Variants in AHCYL1 observed in about 807,000 individuals in gnomAD.
AHCYL1 encodes S-adenosylhomocysteine hydrolase-like protein 1.
In AHCYL1, 20 loss-of-function variants were observed where a neutral mutation model predicts 79.3. The observed-to-expected ratio is 0.25, with a 90% CI of 0.18 to 0.37. The LOEUF is 0.37. Ranked by LOEUF, AHCYL1 falls within the 10% of genes least tolerant of loss-of-function variation. The pLI is 1.00. For synonymous variants in AHCYL1, 223 were observed against 242.2 expected, an observed-to-expected ratio of 0.92 and a Z score of 0.74; for missense variants, 330 against 673.6, an observed-to-expected ratio of 0.49 and a Z score of 5.65.
intron 1 of AHCYL1, among the ~76,000 whole-genome samples, chr1:109,992,822 G>T (rs536661842): frequency 6.6e-6 from 1 of 152,268 alleles, no homozygotes; most frequent in East Asian, 1.9e-4. Context: ...AAAAATATGC[G>T]TATTCTGTTA....
At chr1:110,012,582 T>A in intron 4 of AHCYL1, 120 bp downstream of exon 4, 2 of 807,888 alleles carry the variant, frequency 2.5e-6, no homozygotes, top group Non-Finnish European at 3.6e-6. Flanking sequence ...TAATAGGATC[T>A]CCCTGTTACA....
At position 110,015,480 on chromosome 1, in the gene AHCYL1, T is replaced by C; in HGVS notation, c.731T>C (p.Val244Ala). The change falls in exon 7 of 17, where the codon GTG (valine) becomes GCG (alanine). Residue 244 changes from valine (V) to alanine (A), a missense_variant. Transcript: ENST00000369799. ...THWVYKKYPNVFKKIRGIVEE... is the reference protein window; with the variant it reads ...THWVYKKYPNAFKKIRGIVEE... Reference sequence around the variant, plus strand: ...TGGGTTTATAAGAAGTATCCAAACGTGTTTAAGAAGATCCGAGGCATTGTG... The same window carrying C: ...TGGGTTTATAAGAAGTATCCAAACGCGTTTAAGAAGATCCGAGGCATTGTG... The C allele has an allele frequency of 6.2e-7, 1 of 1,614,174 alleles. No individual in the cohort carries two copies. The highest frequency in any genetic ancestry group is 8.5e-7 in the Non-Finnish European group (1 of 1,180,022).
intron 15 of AHCYL1, 69 bp downstream of exon 15, chr1:110,019,695 C>T: frequency 6.9e-7 from 1 of 1,451,912 alleles, no homozygotes; most frequent in Non-Finnish European, 9.5e-7. Flanking sequence ...CCATGAAAGG[C>T]ATTGGATTTA....
intron 4 of AHCYL1, 60 bp downstream of exon 4, chr1:110,012,522 T>C (rs1250117355): frequency 1.5e-6 from 2 of 1,372,976 alleles, no homozygotes; most frequent in Non-Finnish European, 1.9e-6. Flanking sequence ...ATCAATTTTT[T>C]TTTTTTCACT....
chr1:109,987,682 T>C lies in AHCYL1; in HGVS notation c.120+2510T>C, dbSNP rs545458654. On this transcript the variant is annotated intron_variant, in intron 1 of 16. Coordinates refer to ENST00000369799, the MANE Select transcript of AHCYL1 (RefSeq NM_006621.7). ...AGTGGATGTCCATCAATTAAAAGCATAAATATCTAGATTCTTCAGCTATAA... is the reference window on the plus strand; with the variant it reads ...AGTGGATGTCCATCAATTAAAAGCACAAATATCTAGATTCTTCAGCTATAA... Among the ~76,000 whole-genome samples, 6 of 152,336 alleles carry C rather than the reference T, an allele frequency of 3.9e-5. No individual in the cohort carries two copies. In the South Asian group the frequency reaches 1.2e-3, roughly 32 times the overall value.
chr1:110,013,407 A>T (rs1451216844), intron 5 of AHCYL1, among the ~76,000 whole-genome samples: 1 of 152,232 alleles, frequency 6.6e-6, no homozygotes, highest in Non-Finnish European at 1.5e-5. Context: ...AATTAAACGT[A>T]AAATAATTTT....
intron 1 of AHCYL1, among the ~76,000 whole-genome samples, chr1:109,995,472 C>T (rs1043630091): frequency 2.0e-5 from 3 of 152,236 alleles, no homozygotes; most frequent in African/African-American, 7.2e-5. Flanking sequence ...TAGGATCCAT[C>T]TGATGGATTG....
At chr1:110,016,304 C>A in intron 7 of AHCYL1, 40 bp from the exon 8 acceptor site, 1 of 1,489,326 alleles carries the variant, frequency 6.7e-7, no homozygotes, top group South Asian at 1.2e-5. Flanking sequence ...TGCCAGCTAA[C>A]TTGGTTTTTG....
intron 1 of AHCYL1, among the ~76,000 whole-genome samples, chr1:109,987,472 T>C (rs974920635): frequency 2.6e-5 from 4 of 152,214 alleles, no homozygotes; most frequent in Admixed American, 2.0e-4. Context: ...TCTGAAGCCC[T>C]GAGGCCCCTC....
chr1:109,997,991 G>C (rs1404727206), intron 1 of AHCYL1, among the ~76,000 whole-genome samples: 1 of 152,174 alleles, frequency 6.6e-6, no homozygotes. Context: ...AGAGGAGTGA[G>C]GAGGCTCTAG....
At chr1:109,998,741 G>C (rs981205806) in intron 1 of AHCYL1, among the ~76,000 whole-genome samples, 1 of 152,192 alleles carries the variant, frequency 6.6e-6, no homozygotes, top group Non-Finnish European at 1.5e-5. Flanking sequence ...GCCTCCCAAA[G>C]TGCTAGGACT....
intron 1 of AHCYL1, among the ~76,000 whole-genome samples, chr1:109,987,246 A>G (rs758835437): frequency 6.6e-6 from 1 of 152,242 alleles, no homozygotes; most frequent in Non-Finnish European, 1.5e-5. Context: ...AGTCCTAGGC[A>G]ATCTGTTTTT....
At position 110,021,825 on chromosome 1, in the gene AHCYL1, G is replaced by C; in HGVS notation, c.*145G>C. On this transcript the variant is annotated 3_prime_UTR_variant, in exon 17 of 17. Transcript: ENST00000369799. ...CTTGTTTTTTCATCTCATTATCCAA[G>C]TTCTGCAGACCACACAGGAACTTGC... is the stretch of plus-strand genomic sequence containing the variant. 1.2e-6 allele frequency: 1 copy of C among 840,314 alleles called. No homozygotes were observed. Among genetic ancestry groups the C allele is most frequent in the Non-Finnish European group, 1.8e-6 (1 of 553,326 alleles). 52.1% of individuals were successfully genotyped at this position (840,314 alleles called of 1,614,324 possible).
At position 110,015,540 on chromosome 1, in the gene AHCYL1, T is replaced by A. The variant is rs1487833195; in HGVS notation, c.782+9T>A. On this transcript the variant is annotated intron_variant, in intron 7 of 16. Transcript: ENST00000369799. Reference sequence around the variant, plus strand: ...GTGACTGGTGTTCACAGGTAACAGATTCTGGAGTAGCTGCCCCTTGTGTCC... The same window carrying A: ...GTGACTGGTGTTCACAGGTAACAGAATCTGGAGTAGCTGCCCCTTGTGTCC... The A allele has an allele frequency of 2.5e-6, 4 of 1,612,386 alleles. No homozygotes were observed. The South Asian group carries it at 4.4e-5, about 18-fold the overall frequency.
At chr1:110,003,955 C>T in intron 1 of AHCYL1, 1 of 985,390 alleles carries the variant, frequency 1.0e-6, no homozygotes, top group Non-Finnish European at 1.2e-6. Flanking sequence ...TTTAGTCTTA[C>T]AGGAAGAGAG....
At chr1:110,015,280 C>A in intron 6 of AHCYL1, 145 bp from the exon 7 acceptor site, 1 of 677,002 alleles carries the variant, frequency 1.5e-6, no homozygotes, top group Non-Finnish European at 2.6e-6. Flanking sequence ...ACTGTATTTC[C>A]ACTCTCTAAG....
intron 13 of AHCYL1, 164 bp downstream of exon 13, chr1:110,018,814 A>G (rs777058328): frequency 3.6e-5 from 29 of 797,866 alleles, no homozygotes; most frequent in Non-Finnish European, 3.8e-5. Flanking sequence ...CACTTTAAAA[A>G]AATCTACTTT....
intron 1 of AHCYL1, among the ~76,000 whole-genome samples, chr1:110,002,447 CA>C (rs1441217007): frequency 6.6e-6 from 1 of 152,118 alleles, no homozygotes; most frequent in Non-Finnish European, 1.5e-5. Context: ...GTATTCAGTG[CA>C]ATTAATGTAT....
At chr1:109,988,481 T>G (rs74117308) in intron 1 of AHCYL1, among the ~76,000 whole-genome samples, 1,844 of 152,322 alleles carry the variant, frequency 0.012, 41 homozygotes, top group African/African-American at 0.042. Flanking sequence ...TTATCCCTCT[T>G]TTGCTGCTAC....
Sources: allele counts gnomAD v4.1 joint callset (sites outside exome capture counted in the v4.1 genomes callset), GRCh38; gene constraint gnomAD v4.1.1; transcripts MANE v1.5; gene names NCBI Gene and HGNC (gene_info 2026-07-23, HGNC 2026-07-21).